The following KIAA0825 variants were observed in gnomAD, a reference collection of about 807,000 sequenced individuals.
KIAA0825 encodes the protein KIAA0825.
A neutral mutation model predicts 147.6 loss-of-function variants in KIAA0825; 119 were observed. The ratio of observed to expected loss-of-function variants is 0.81; its 90% CI spans 0.69 to 0.94. KIAA0825 has a LOEUF of 0.94. Ranked by LOEUF, KIAA0825 falls within the 40% of genes least tolerant of loss-of-function variation. The pLI is 0.00. For synonymous variants in KIAA0825, 470 were observed against 518.1 expected, an observed-to-expected ratio of 0.91 and a Z score of 1.26; for missense variants, 1,381 against 1,472.7, an observed-to-expected ratio of 0.94 and a Z score of 1.02.
chr5:94,598,366 C>T (rs939340954), intron 1 of KIAA0825, among the ~76,000 whole-genome samples: 3 of 152,060 alleles, frequency 2.0e-5, no homozygotes, highest in Non-Finnish European at 4.4e-5. Context: ...CACATTTTGT[C>T]TCCCTGGAAG....
intron 20 of KIAA0825, among the ~76,000 whole-genome samples, chr5:94,211,643 CTA>C (rs1035339104): frequency 6.6e-6 from 1 of 152,132 alleles, no homozygotes; most frequent in Non-Finnish European, 1.5e-5. Context: ...AAAGTAAGAT[CTA>C]TCTTCCGTAT....
At chr5:94,597,876 G>T (rs1785587323) in intron 1 of KIAA0825, among the ~76,000 whole-genome samples, 1 of 152,090 alleles carries the variant, frequency 6.6e-6, no homozygotes, top group Non-Finnish European at 1.5e-5. Flanking sequence ...CATAGAAAAG[G>T]TATGGTAAAA....
At position 94,440,107 on chromosome 5, in the gene KIAA0825, C is replaced by T. The variant is rs1350669079; in HGVS notation, c.2372G>A (p.Gly791Glu). The part of the protein sequence containing the change: ...YPSLLRTPSA[G>E]GLKAEGQLKL... The stretch of plus-strand genomic sequence containing the variant: ...CAACTGACCCTCGGCTTTCAGTCCT[C>T]CAGCTGATGGAGTCCTTTCAAAATG... Residue 791 changes from glycine (G) to glutamate (E), a missense_variant, in exon 14 of 21, where the codon GGA (glycine) becomes GAA (glutamate). Gly to Glu is a moderately conservative substitution (Grantham distance 98, BLOSUM62 -2). Transcript: ENST00000682413. The T allele has an allele frequency of 1.9e-6, 3 of 1,551,030 alleles. No individual in the cohort carries two copies. Among genetic ancestry groups the T allele is most frequent in the Admixed American group, 2.0e-5 (1 of 50,926 alleles).
chr5:94,434,852 G>A (rs1276759158), intron 14 of KIAA0825, among the ~76,000 whole-genome samples: 7 of 152,086 alleles, frequency 4.6e-5, no homozygotes, highest in South Asian at 2.1e-4. Context: ...ATGCCCTATC[G>A]ACTCTTAAAA....
chr5:94,371,060 G>A (rs149707057), intron 20 of KIAA0825, among the ~76,000 whole-genome samples: 2 of 152,156 alleles, frequency 1.3e-5, no homozygotes, highest in Admixed American at 6.5e-5. Flanking sequence ...GGGGGAGCGG[G>A]TGGGATATTT....
Position 94,462,546 on chromosome 5 carries a change from AT to A in KIAA0825, c.2086del (p.Ile696TyrfsTer18). 6.6e-7 allele frequency: 1 copy of A among 1,510,184 alleles called. No homozygotes were observed. Among genetic ancestry groups the A allele is most frequent in the South Asian group, 1.3e-5 (1 of 76,360 alleles). 93.5% of individuals were successfully genotyped at this position (1,510,184 alleles called of 1,614,324 possible). A position where few individuals can be genotyped will look rare whatever the true frequency, so the allele number is the denominator to read the frequency against. Reference sequence around the variant, plus strand: ...TGACCATAACATGTTCTCAGTGCATATCAAAATTGTTGTGACATCAAGTCTG... The same window carrying A: ...TGACCATAACATGTTCTCAGTGCATACAAAATTGTTGTGACATCAAGTCTG... The part of the protein sequence containing the change: ...QLRLDVTTIL[I>X]CTENMLWSVC... On this transcript the variant is annotated frameshift_variant, in exon 12 of 21. Coordinates refer to ENST00000682413, the MANE Select transcript of KIAA0825 (RefSeq NM_001145678.3). LOFTEE classifies it high-confidence loss of function.
chr5:94,363,744 T>G (rs2150414096), intron 20 of KIAA0825, among the ~76,000 whole-genome samples: 1 of 152,130 alleles, frequency 6.6e-6, no homozygotes, highest in East Asian at 1.9e-4. Context: ...GGCTCGTGCC[T>G]GTAGTTACAG....
chr5:94,215,712 T>C (rs1416791829), intron 20 of KIAA0825, among the ~76,000 whole-genome samples: 1 of 152,154 alleles, frequency 6.6e-6, no homozygotes, highest in African/African-American at 2.4e-5. Context: ...ATGGTTCTTC[T>C]TTCCTGAAAA....
intron 11 of KIAA0825, among the ~76,000 whole-genome samples, chr5:94,462,948 A>T (rs988141759): frequency 1.3e-5 from 2 of 151,878 alleles, no homozygotes; most frequent in Non-Finnish European, 2.9e-5. Context: ...TATATGTATG[A>T]TAGGTTAAAA....
intron 1 of KIAA0825, among the ~76,000 whole-genome samples, chr5:94,586,145 CAAAT>C (rs1296867935): frequency 6.6e-6 from 1 of 152,026 alleles, no homozygotes; most frequent in African/African-American, 2.4e-5. Flanking sequence ...GAAGCAAGAG[CAAAT>C]AAATTCAACA....
intron 3 of KIAA0825, 137 bp downstream of exon 3, chr5:94,536,859 T>G: frequency 1.8e-6 from 1 of 552,940 alleles, no homozygotes; most frequent in Non-Finnish European, 3.2e-6. Flanking sequence ...GAGAGGGGGG[T>G]CTAATCAATA....
At chr5:94,563,186 CAAAAAAAACAAA>C (rs1777866045) in intron 2 of KIAA0825, among the ~76,000 whole-genome samples, 1 of 102,484 alleles carries the variant, frequency 9.8e-6, no homozygotes, top group Non-Finnish European at 2.3e-5. Context: ...CTAAAAATAC[CAAAAAAAACAAA>C]AAAAAAAAAA....
chr5:94,391,735 T>C, intron 17 of KIAA0825, 41 bp from the exon 18 acceptor site: 1 of 1,420,482 alleles, frequency 7.0e-7, no homozygotes, highest in Non-Finnish European at 9.4e-7. Context: ...TAGTGAAGAA[T>C]TGTAAAGATG....
intron 20 of KIAA0825, among the ~76,000 whole-genome samples, chr5:94,231,760 C>T (rs542099036): frequency 6.6e-6 from 1 of 152,064 alleles, no homozygotes; most frequent in South Asian, 2.1e-4. Context: ...ATATTAGAGA[C>T]TGAGTAAATG....
chr5:94,585,267 C>T (rs923933628), intron 1 of KIAA0825, among the ~76,000 whole-genome samples: 1 of 152,094 alleles, frequency 6.6e-6, no homozygotes, highest in Non-Finnish European at 1.5e-5. Flanking sequence ...AGAGTCAAGA[C>T]CCATTGGTGT....
At chr5:94,229,414 G>A (rs765087254) in intron 20 of KIAA0825, among the ~76,000 whole-genome samples, 13 of 151,414 alleles carry the variant, frequency 8.6e-5, no homozygotes, top group Admixed American at 8.6e-4. Flanking sequence ...TATAATGTTC[G>A]TGATGATGTA....
chr5:94,432,117 C>T (rs1171503671), intron 14 of KIAA0825, among the ~76,000 whole-genome samples: 2 of 152,170 alleles, frequency 1.3e-5, no homozygotes, highest in East Asian at 3.8e-4. Context: ...TATAAACCTA[C>T]AATATGTTAC....
At chr5:94,223,027 G>T (rs1477241700) in intron 20 of KIAA0825, among the ~76,000 whole-genome samples, 4 of 152,096 alleles carry the variant, frequency 2.6e-5, no homozygotes, top group Non-Finnish European at 5.9e-5. Flanking sequence ...TCCTCATGCT[G>T]TACTTAGATC....
chr5:94,503,751 C>T (rs1227853804), intron 5 of KIAA0825, among the ~76,000 whole-genome samples: 1 of 152,220 alleles, frequency 6.6e-6, no homozygotes, highest in Non-Finnish European at 1.5e-5. Context: ...AAGAACCTCT[C>T]TGATCTTTCC....
Sources: gnomAD v4.1 joint callset for allele counts (sites outside exome capture counted in the v4.1 genomes callset) on GRCh38, gnomAD v4.1.1 for gene constraint, MANE v1.5 for transcripts, NCBI Gene and HGNC (gene_info 2026-07-23, HGNC 2026-07-21) for gene names.